Variants in LIMS1 observed in about 807,000 individuals in gnomAD.
LIMS1 encodes the protein LIM zinc finger domain containing 1.
In LIMS1, 18 loss-of-function variants were observed where a neutral mutation model predicts 44.1. That is an observed-to-expected ratio of 0.41 (90% CI 0.28 to 0.61). The LOEUF (loss-of-function observed/expected upper bound fraction) is 0.61. Among genes scored for constraint, LIMS1 ranks in the 20% least tolerant of loss-of-function variants. LIMS1 has a pLI of 0.32. For synonymous variants in LIMS1, 93 were observed against 149.1 expected (o/e 0.62, Z 2.74); for missense variants, 201 against 422.0 (o/e 0.48, Z 4.59).
chr2:108,578,679 C>T (rs1368462379), intron 1 of LIMS1, among the ~76,000 whole-genome samples: 1 of 150,758 alleles, frequency 6.6e-6, no homozygotes, highest in Non-Finnish European at 1.5e-5. Flanking sequence ...CTGCAAGCTC[C>T]ACCTCCCAGG....
chr2:108,570,638 G>A (rs550203388), intron 1 of LIMS1, among the ~76,000 whole-genome samples: 1 of 152,146 alleles, frequency 6.6e-6, no homozygotes, highest in African/African-American at 2.4e-5. Flanking sequence ...CCTGTATACT[G>A]TGATGGCCTG....
chr2:108,642,775 A>G (rs927378520), intron 1 of LIMS1, among the ~76,000 whole-genome samples: 4 of 152,178 alleles, frequency 2.6e-5, no homozygotes, highest in Non-Finnish European at 4.4e-5. Context: ...TTTGCATGAT[A>G]TCTCCAAGTA....
chr2:108,546,945 G>A (rs1364425888), intron 1 of LIMS1, among the ~76,000 whole-genome samples: 1 of 152,116 alleles, frequency 6.6e-6, no homozygotes, highest in Non-Finnish European at 1.5e-5. Context: ...CTATAATTGT[G>A]TCTATAACTT....
intron 1 of LIMS1, among the ~76,000 whole-genome samples, chr2:108,643,310 T>C (rs146310794): frequency 6.6e-5 from 10 of 152,324 alleles, no homozygotes; most frequent in African/African-American, 1.2e-4. Flanking sequence ...GTTCATCTCA[T>C]TGGGACTGGT....
intron 1 of LIMS1, among the ~76,000 whole-genome samples, chr2:108,642,541 C>A (rs1033222498): frequency 1.3e-5 from 2 of 151,264 alleles, no homozygotes; most frequent in Non-Finnish European, 2.9e-5. Flanking sequence ...TTGTATTTTT[C>A]GTAGAGACGG....
chr2:108,632,181 G>A (rs531783474), intron 1 of LIMS1, among the ~76,000 whole-genome samples: 3 of 152,256 alleles, frequency 2.0e-5, no homozygotes, highest in Admixed American at 1.3e-4. Flanking sequence ...ATTTTGGCCA[G>A]GCTGGTCTCG....
At position 108,582,040 on chromosome 2, in the gene LIMS1, A is replaced by G. The variant is rs1245493491; in HGVS notation, c.32+47446A>G. On this transcript the variant is annotated intron_variant, in intron 1 of 9. Transcript: ENST00000544547. The stretch of plus-strand genomic sequence containing the variant: ...TTTCAAGTTGGGGACTTCTTTGATT[A>G]AAATGTAAAGTTGATAAATGAATTT... Among the ~76,000 whole-genome samples, 5 of 152,314 alleles carry G rather than the reference A, an allele frequency of 3.3e-5. No homozygotes were observed. The East Asian group carries it at 9.6e-4, about 29-fold the overall frequency.
rs759507378 is a variant in LIMS1, at chr2:108,672,474, T to G, written c.380+29T>G. The G allele has an allele frequency of 1.8e-5, 11 of 599,910 alleles. No individual in the cohort carries two copies. In the South Asian group the frequency reaches 2.0e-4, roughly 11 times the overall value. The allele number at this position is 599,910 out of a possible 1,614,324, so 37.2% of individuals were successfully genotyped here. On this transcript the variant is annotated intron_variant, in intron 4 of 9. Transcript: ENST00000544547. ...GGTGGATTTTCATCCTTGTCAGATG[T>G]GGGTGGACAATGTGACTGTGACAAG...
At chr2:108,567,654 C>G in intron 1 of LIMS1, among the ~76,000 whole-genome samples, 1 of 152,162 alleles carries the variant, frequency 6.6e-6, no homozygotes, top group East Asian at 1.9e-4. Context: ...TTACTACAAC[C>G]TCTGCTTCCT....
chr2:108,637,600 A>C (rs1199087800), intron 1 of LIMS1, among the ~76,000 whole-genome samples: 1 of 152,234 alleles, frequency 6.6e-6, no homozygotes, highest in Non-Finnish European at 1.5e-5. Context: ...CTAAGTCAGC[A>C]TTCCTAGCTA....
At chr2:108,611,823 A>C (rs1687619679) in intron 1 of LIMS1, among the ~76,000 whole-genome samples, 1 of 136,980 alleles carries the variant, frequency 7.3e-6, no homozygotes. Flanking sequence ...AGTTGCTGTG[A>C]ACCATGATCT....
intron 1 of LIMS1, among the ~76,000 whole-genome samples, chr2:108,610,663 G>A (rs1209320252): frequency 6.6e-6 from 1 of 152,116 alleles, no homozygotes; most frequent in Non-Finnish European, 1.5e-5. Context: ...TGTCCCAAGA[G>A]TAGCATTCTA....
chr2:108,578,602 T>TA (rs1685761368), intron 1 of LIMS1, among the ~76,000 whole-genome samples: 1 of 146,608 alleles, frequency 6.8e-6, no homozygotes, highest in Admixed American at 6.8e-5. Context: ...TTTTTTTTTT[T>TA]TTTTTTTTGG....
rs1301329856 is a variant in LIMS1, at chr2:108,621,510, A to G, written c.33-38095A>G. The G allele has an allele frequency of 5.2e-6, 7 of 1,335,326 alleles. 1 individual carries two copies. In the African/African-American group the frequency reaches 7.3e-5, roughly 14 times the overall value. 82.7% of individuals were successfully genotyped at this position (1,335,326 alleles called of 1,614,324 possible). A position where few individuals can be genotyped will look rare whatever the true frequency, so the allele number is the denominator to read the frequency against. On this transcript the variant is annotated intron_variant, in intron 1 of 9. Coordinates refer to ENST00000544547, the Ensembl canonical transcript of LIMS1. ...TAAAGGTCAAGACATCTAATCTAGT[A>G]AGTGCAGTGGGGATTCATGCCTAAG...
At chr2:108,598,152 C>T (rs1384828852) in intron 1 of LIMS1, among the ~76,000 whole-genome samples, 1 of 151,674 alleles carries the variant, frequency 6.6e-6, no homozygotes, top group Non-Finnish European at 1.5e-5. Context: ...CTTTACCCCT[C>T]ATCCCTACAA....
At chr2:108,566,675 C>A (rs1685302329) in intron 1 of LIMS1, among the ~76,000 whole-genome samples, 1 of 152,122 alleles carries the variant, frequency 6.6e-6, no homozygotes, top group Non-Finnish European at 1.5e-5. Context: ...CAGCTTACTG[C>A]AACCTCTGCC....
At chr2:108,542,606 A>G (rs1197135517) in intron 1 of LIMS1, among the ~76,000 whole-genome samples, 1 of 152,206 alleles carries the variant, frequency 6.6e-6, no homozygotes, top group Non-Finnish European at 1.5e-5. Flanking sequence ...TGGCATGTCC[A>G]GACAACCTAT....
intron 1 of LIMS1, among the ~76,000 whole-genome samples, chr2:108,637,531 C>T (rs1259084370): frequency 1.3e-5 from 2 of 152,200 alleles, no homozygotes; most frequent in Admixed American, 1.3e-4. Flanking sequence ...ACAGCCACTA[C>T]AGCCGTGTCA....
chr2:108,570,538 G>T lies in LIMS1; in HGVS notation c.32+35944G>T, dbSNP rs975880794. 2.0e-5 allele frequency among the ~76,000 whole-genome samples: 3 copies of T among 152,234 alleles called. No individual in the cohort carries two copies. In the East Asian group the frequency reaches 5.8e-4, roughly 29 times the overall value. Reference sequence around the variant, plus strand: ...TTGCTGGCAGGTTGGTCGTGGGGGAGGAAACCTTTTTAATGCCAAACTAAT... The same window carrying T: ...TTGCTGGCAGGTTGGTCGTGGGGGATGAAACCTTTTTAATGCCAAACTAAT... On this transcript the variant is annotated intron_variant, in intron 1 of 9. Coordinates refer to ENST00000544547, the Ensembl canonical transcript of LIMS1.
Sources: gnomAD v4.1 joint callset for allele counts (sites outside exome capture counted in the v4.1 genomes callset) on GRCh38, gnomAD v4.1.1 for gene constraint, MANE v1.5 for transcripts, NCBI Gene and HGNC (gene_info 2026-07-23, HGNC 2026-07-21) for gene names.